The following TEX9 variants were observed in gnomAD, a reference collection of about 807,000 sequenced individuals.
TEX9 encodes testis-expressed protein 9.
TEX9 carries 74 observed loss-of-function variants against 59.6 expected under a neutral mutation model. That is an observed-to-expected ratio of 1.24 (90% CI 1.03 to 1.51). The LOEUF (loss-of-function observed/expected upper bound fraction) is 1.51, where lower values mean the gene tolerates loss of function less well. Among genes scored for constraint, TEX9 ranks in the 40% most tolerant of loss-of-function variants. The pLI is 0.00. For missense variants in TEX9, 522 were observed against 447.8 expected, an observed-to-expected ratio of 1.17 and a Z score of -1.49; for synonymous variants, 186 against 152.2, an observed-to-expected ratio of 1.22 and a Z score of -1.64.
intron 1 of TEX9, among the ~76,000 whole-genome samples, chr15:56,331,017 A>G (rs1347999124): frequency 1.3e-5 from 2 of 152,202 alleles, no homozygotes; most frequent in African/African-American, 4.8e-5. Flanking sequence ...CTCTGTTTAT[A>G]TCAGGCAAGA....
chr15:56,274,928 G>A (rs929217889), intron 1 of TEX9, among the ~76,000 whole-genome samples: 10 of 152,068 alleles, frequency 6.6e-5, no homozygotes, highest in African/African-American at 2.4e-4. Context: ...CCACCCTCAG[G>A]TTTTAGCCTT....
intron 1 of TEX9, among the ~76,000 whole-genome samples, chr15:56,252,888 C>A (rs1413576617): frequency 5.9e-5 from 9 of 152,102 alleles, no homozygotes; most frequent in African/African-American, 2.2e-4. Flanking sequence ...CTCAGTTGTA[C>A]TGATAATTTA....
chr15:56,332,542 C>T (rs1233750136), intron 1 of TEX9, among the ~76,000 whole-genome samples: 4 of 151,210 alleles, frequency 2.6e-5, no homozygotes, highest in South Asian at 4.2e-4. Context: ...GTGGGTGCAG[C>T]GCACCAGCAT....
At chr15:56,380,003 T>C (rs1253446034) in intron 3 of TEX9, among the ~76,000 whole-genome samples, 1 of 151,978 alleles carries the variant, frequency 6.6e-6, no homozygotes, top group Non-Finnish European at 1.5e-5. Flanking sequence ...CGTCTTTTGA[T>C]TGAAGAGTTT....
At chr15:56,320,999 A>G (rs564814557) in intron 1 of TEX9, among the ~76,000 whole-genome samples, 3 of 152,286 alleles carry the variant, frequency 2.0e-5, no homozygotes, top group African/African-American at 4.8e-5. Flanking sequence ...CCACTTTACA[A>G]TCGTAGCCTG....
At chr15:56,308,200 AG>A (rs1407040068) in intron 1 of TEX9, among the ~76,000 whole-genome samples, 1 of 152,194 alleles carries the variant, frequency 6.6e-6, no homozygotes, top group Non-Finnish European at 1.5e-5. Context: ...GCAGTGTATA[AG>A]GGTTCCAATT....
downstream of TEX9, among the ~76,000 whole-genome samples, chr15:56,448,535 CTCCA>C (rs1646775225): frequency 6.6e-6 from 1 of 152,172 alleles, no homozygotes; most frequent in Admixed American, 6.5e-5. Flanking sequence ...CGGCCTCCAG[CTCCA>C]TCCATGTTTC....
At chr15:56,393,574 T>G (rs2142315365) in intron 7 of TEX9, 1 of 152,332 alleles carries the variant, frequency 6.6e-6, no homozygotes, top group Non-Finnish European at 1.5e-5. Context: ...AGTTTTCACT[T>G]TATTTACTTT....
At chr15:56,292,717 C>G (rs556439177) in intron 1 of TEX9, among the ~76,000 whole-genome samples, 2 of 152,166 alleles carry the variant, frequency 1.3e-5, no homozygotes, top group Non-Finnish European at 2.9e-5. Context: ...AGCTGCCTTA[C>G]CTAGAAATGC....
intron 1 of TEX9, among the ~76,000 whole-genome samples, chr15:56,312,597 C>T (rs1418909297): frequency 6.7e-6 from 1 of 148,584 alleles, no homozygotes; most frequent in African/African-American, 2.5e-5. Flanking sequence ...CAGCTTTGTT[C>T]TTTTGGCTTA....
intron 10 of TEX9, among the ~76,000 whole-genome samples, chr15:56,425,310 A>G (rs550198098): frequency 6.4e-4 from 97 of 152,234 alleles, no homozygotes; most frequent in African/African-American, 2.1e-3. Flanking sequence ...CTATTCTTCA[A>G]ATAAGTTACT....
At chr15:56,381,008 T>C (rs1176320196) in intron 3 of TEX9, among the ~76,000 whole-genome samples, 1 of 152,198 alleles carries the variant, frequency 6.6e-6, no homozygotes, top group Non-Finnish European at 1.5e-5. Context: ...CGAATAAACT[T>C]TCTACCTCTC....
intron 1 of TEX9, among the ~76,000 whole-genome samples, chr15:56,298,422 A>T (rs1177384827): frequency 6.6e-6 from 1 of 152,220 alleles, no homozygotes; most frequent in African/African-American, 2.4e-5. Flanking sequence ...CTTAGTATTC[A>T]GGTTTCTTTG....
intron 12 of TEX9, chr15:56,429,239 T>C (rs2050484481): frequency 8.0e-7 from 1 of 1,243,360 alleles, no homozygotes; most frequent in East Asian, 2.4e-5. Context: ...ACCAGAATAT[T>C]TCACTAAATG....
chr15:56,415,034 C>T (rs758123986), intron 10 of TEX9, among the ~76,000 whole-genome samples: 5 of 151,748 alleles, frequency 3.3e-5, no homozygotes, highest in African/African-American at 4.9e-5. Flanking sequence ...ACATGTATGA[C>T]TTCTTTTGAG....
At chr15:56,324,228 A>C (rs575849767) in intron 1 of TEX9, among the ~76,000 whole-genome samples, 55 of 151,794 alleles carry the variant, frequency 3.6e-4, no homozygotes, top group Admixed American at 7.9e-4. Flanking sequence ...GAATGCTTCT[A>C]AGTAAATACA....
intron 1 of TEX9, among the ~76,000 whole-genome samples, chr15:56,253,424 G>A (rs568209913): frequency 3.2e-4 from 49 of 152,060 alleles, no homozygotes; most frequent in African/African-American, 1.0e-3. Flanking sequence ...GAGAAAGAAC[G>A]GAAGGTCTTC....
In TEX9 at chr15:56,286,574, A is replaced by G. The variant is rs1398876769; in HGVS notation, c.-107+42296A>G. ...TCTAGAATTGTAGAGACCATTGGAT[A>G]TAGGACAACAGACTTCAGCGAGAAC... On this transcript the variant is annotated intron_variant, in intron 1 of 5. Coordinates refer to the TEX9 transcript ENST00000560827. Among the ~76,000 whole-genome samples, 5 of 152,188 alleles carry G rather than the reference A, an allele frequency of 3.3e-5. No homozygotes were observed. The East Asian group carries it at 7.7e-4, about 23-fold the overall frequency.
At chr15:56,381,574 G>C (rs2047727224) in intron 3 of TEX9, among the ~76,000 whole-genome samples, 1 of 152,140 alleles carries the variant, frequency 6.6e-6, no homozygotes, top group Non-Finnish European at 1.5e-5. Context: ...AGGCACTTGG[G>C]CCCCCTGCCC....
Sources: gnomAD v4.1 joint callset for allele counts (sites outside exome capture counted in the v4.1 genomes callset) on GRCh38, gnomAD v4.1.1 for gene constraint, MANE v1.5 for transcripts, NCBI Gene and HGNC (gene_info 2026-07-23, HGNC 2026-07-21) for gene names.